The following HPGDS variants were observed in gnomAD, a reference collection of about 807,000 sequenced individuals.
HPGDS encodes the protein GST class-sigma.
Under a neutral mutation model 23.1 loss-of-function variants are expected in HPGDS, and 26 were observed. The observed-to-expected ratio is 1.13, with a 90% CI of 0.83 to 1.56. The LOEUF is 1.56. HPGDS is among the 40% of genes most tolerant of loss of function. The pLI is 0.00. For synonymous variants in HPGDS, 95 were observed against 77.9 expected, an observed-to-expected ratio of 1.22 and a Z score of -1.16; for missense variants, 268 against 236.4, an observed-to-expected ratio of 1.13 and a Z score of -0.88.
chr4:94,306,755 G>T (rs1217879552), intron 4 of HPGDS, among the ~76,000 whole-genome samples: 2 of 152,024 alleles, frequency 1.3e-5, no homozygotes, highest in South Asian at 4.1e-4. Flanking sequence ...GATGAGAAAT[G>T]CTTTCTAAAA....
chr4:94,299,315 G>T lies in HPGDS; in HGVS notation c.*165C>A, dbSNP rs550222624. ...CTGAAAGAAAAAGATACTGAAGAAA[G>T]ATTTGTTTTTATTTTCCTTTTTAAA... On this transcript the variant is annotated 3_prime_UTR_variant, in exon 6 of 6. Coordinates refer to ENST00000295256, the MANE Select transcript of HPGDS (RefSeq NM_014485.3). 1 of 584,822 alleles carries T rather than the reference G, an allele frequency of 1.7e-6. No homozygotes were observed. Among genetic ancestry groups the T allele is most frequent in the South Asian group, 3.5e-5 (1 of 28,176 alleles). 36.2% of individuals were successfully genotyped at this position (584,822 alleles called of 1,614,324 possible).
chr4:94,327,102 G>A (rs1756645604), intron 2 of HPGDS, among the ~76,000 whole-genome samples: 1 of 151,986 alleles, frequency 6.6e-6, no homozygotes, highest in Non-Finnish European at 1.5e-5. Context: ...GGCTACAGTG[G>A]CCTGGGTGTG....
At chr4:94,313,300 G>A (rs977881949) in intron 3 of HPGDS, among the ~76,000 whole-genome samples, 1 of 152,112 alleles carries the variant, frequency 6.6e-6, no homozygotes, top group African/African-American at 2.4e-5. Flanking sequence ...CATGTTTAGT[G>A]CTTCCTTCAG....
chr4:94,335,133 C>T (rs968569737), intron 1 of HPGDS, among the ~76,000 whole-genome samples: 11 of 152,194 alleles, frequency 7.2e-5, no homozygotes, highest in Admixed American at 4.6e-4. Context: ...CCTGTCTTTG[C>T]CTCTCTTTCC....
At chr4:94,304,144 C>T (rs1235488752) in intron 4 of HPGDS, among the ~76,000 whole-genome samples, 3 of 151,682 alleles carry the variant, frequency 2.0e-5, no homozygotes, top group African/African-American at 2.4e-5. Context: ...TTTTTTCACC[C>T]TGAGAATTTG....
intron 3 of HPGDS, among the ~76,000 whole-genome samples, chr4:94,311,923 T>C (rs1163257741): frequency 1.3e-5 from 2 of 151,706 alleles, no homozygotes; most frequent in Admixed American, 6.6e-5. Flanking sequence ...AGTTTATTTG[T>C]GTAGAGGTGT....
chr4:94,315,583 C>A (rs779149007), intron 3 of HPGDS, among the ~76,000 whole-genome samples: 1 of 151,730 alleles, frequency 6.6e-6, no homozygotes, highest in Non-Finnish European at 1.5e-5. Flanking sequence ...AAAATGCTCC[C>A]GTGTAGAAGC....
In HPGDS at chr4:94,307,307, T is replaced by TA. The variant is rs762523386; in HGVS notation, c.336+1326dup. 7.0e-3 allele frequency among the ~76,000 whole-genome samples: 772 copies of TA among 110,566 alleles called. 4 individuals are homozygous for TA. The highest frequency in any genetic ancestry group is 0.014 in the African/African-American group (418 of 30,770). The allele number at this position is 110,566 out of a possible 152,430, so 72.5% of individuals were successfully genotyped here. On this transcript the variant is annotated intron_variant, in intron 4 of 5. Transcript: ENST00000295256. ...ACAGGAGAATGAACCCAGGAAAACA[T>TA]AAAAAAAAAAAAAAAATCCTGGGTA...
intron 5 of HPGDS, among the ~76,000 whole-genome samples, chr4:94,301,943 C>T (rs11939261): frequency 9.2e-4 from 140 of 152,042 alleles, no homozygotes; most frequent in Middle Eastern, 6.8e-3. Flanking sequence ...TTTAAGTTTT[C>T]GCTGCCAATA....
intron 4 of HPGDS, among the ~76,000 whole-genome samples, chr4:94,306,926 A>G (rs1756150442): frequency 2.0e-5 from 3 of 152,122 alleles, no homozygotes; most frequent in Non-Finnish European, 4.4e-5. Flanking sequence ...TGGGTCCCAG[A>G]TTGAACGGAA....
intron 1 of HPGDS, among the ~76,000 whole-genome samples, chr4:94,335,282 G>T (rs1293848063): frequency 6.6e-6 from 1 of 152,204 alleles, no homozygotes. Flanking sequence ...CCTCTGCAGA[G>T]ATGGGGCAAT....
chr4:94,302,694 A>G (rs1756066427), intron 4 of HPGDS, among the ~76,000 whole-genome samples: 1 of 152,034 alleles, frequency 6.6e-6, no homozygotes, highest in Non-Finnish European at 1.5e-5. Flanking sequence ...TCTTCGTTTC[A>G]CTATTGCGTT....
In HPGDS at chr4:94,309,724, G is replaced by A. The variant is rs540389277; in HGVS notation, c.227-981C>T. Among the ~76,000 whole-genome samples the A allele has an allele frequency of 1.6e-4, 24 of 151,896 alleles. No individual in the cohort carries two copies. In the East Asian group the frequency reaches 4.3e-3, roughly 27 times the overall value. ...CACCACACTGACTTCCACAATGGTT[G>A]AACTAGTTTACAGTCCCACCAACAG... On this transcript the variant is annotated intron_variant, in intron 3 of 5. Coordinates refer to ENST00000295256, the MANE Select transcript of HPGDS (RefSeq NM_014485.3).
At chr4:94,311,995 C>T (rs545571641) in intron 3 of HPGDS, among the ~76,000 whole-genome samples, 4 of 152,214 alleles carry the variant, frequency 2.6e-5, no homozygotes, top group African/African-American at 9.6e-5. Flanking sequence ...TCCCCTTTAT[C>T]ATTTTTTATT....
rs933311564 is a variant in HPGDS, at chr4:94,334,521, C to T, written c.109G>A (p.Ala37Thr). 29 of 1,598,700 alleles carry T rather than the reference C, an allele frequency of 1.8e-5. No homozygotes were observed. The highest frequency in any genetic ancestry group is 2.4e-5 in the Non-Finnish European group (28 of 1,173,870). The part of the protein sequence containing the change: ...IQYEDHRIEQ[A>T]DWPEIKSTLP... ...CTTGATTTGATTTCAGGCCAGTCAG[C>T]TTGTTCTATTCTGTGGTCTTCATAC... Residue 37 changes from alanine to threonine, a missense_variant, in exon 2 of 6, where the codon GCT becomes ACT. Physicochemically the swap from Ala to Thr is moderately conservative, Grantham distance 58. Coordinates refer to ENST00000295256, the MANE Select transcript of HPGDS (RefSeq NM_014485.3).
intron 3 of HPGDS, among the ~76,000 whole-genome samples, chr4:94,314,199 G>T (rs930189280): frequency 1.1e-4 from 17 of 152,162 alleles, no homozygotes; most frequent in African/African-American, 3.6e-4. Context: ...CGTTCCTTTG[G>T]AGGAGGAGAG....
intron 4 of HPGDS, among the ~76,000 whole-genome samples, 153 bp downstream of exon 4, chr4:94,308,481 T>C (rs1364939951): frequency 1.3e-5 from 2 of 152,124 alleles, no homozygotes; most frequent in Admixed American, 1.3e-4. Context: ...CAATAGGGAA[T>C]TGCTGTACTT....
chr4:94,309,858 A>G (rs1756224525), intron 3 of HPGDS, among the ~76,000 whole-genome samples: 2 of 152,028 alleles, frequency 1.3e-5, no homozygotes, highest in South Asian at 4.2e-4. Context: ...TGTGGTTTTG[A>G]TTTACATTTC....
intron 4 of HPGDS, among the ~76,000 whole-genome samples, chr4:94,307,354 C>T (rs1336731071): frequency 6.6e-6 from 1 of 151,400 alleles, no homozygotes; most frequent in African/African-American, 2.4e-5. Context: ...CTCAGGATGA[C>T]AACTGTGACC....
Sources: allele counts gnomAD v4.1 joint callset (sites outside exome capture counted in the v4.1 genomes callset), GRCh38; gene constraint gnomAD v4.1.1; transcripts MANE v1.5; gene names NCBI Gene and HGNC (gene_info 2026-07-23, HGNC 2026-07-21).